The following MYCBP2 variants were observed in gnomAD, a reference collection of about 807,000 sequenced individuals.
The protein encoded by MYCBP2 is E3 ubiquitin-protein ligase MYCBP2.
MYCBP2 carries 120 observed loss-of-function variants against 525.3 expected under a neutral mutation model. The ratio of observed to expected loss-of-function variants is 0.23; its 90% CI spans 0.20 to 0.27. The LOEUF (loss-of-function observed/expected upper bound fraction) is 0.27, where lower values mean the gene tolerates loss of function less well. MYCBP2 is among the 10% of genes least tolerant of loss of function. MYCBP2 has a pLI of 1.00. For missense variants in MYCBP2, 4,149 were observed against 5,657.1 expected (o/e 0.73, Z 8.55); for synonymous variants, 1,894 against 1,955.8 (o/e 0.97, Z 0.83).
intron 5 of MYCBP2, among the ~76,000 whole-genome samples, chr13:77,271,324 A>C (rs2074861672): frequency 6.6e-6 from 1 of 152,228 alleles, no homozygotes; most frequent in Non-Finnish European, 1.5e-5. Context: ...TGAAGTCAAG[A>C]GTTCAACCCT....
At chr13:77,255,687 T>A (rs930897559) in intron 14 of MYCBP2, among the ~76,000 whole-genome samples, 3 of 152,086 alleles carry the variant, frequency 2.0e-5, no homozygotes, top group Admixed American at 6.5e-5. Context: ...TGCCAATATA[T>A]TCTAGTAACT....
chr13:77,147,295 G>T (rs6562984), intron 47 of MYCBP2, among the ~76,000 whole-genome samples: 148,259 of 152,156 alleles, frequency 0.97, 72,245 homozygotes, highest in Admixed American at 0.98. Context: ...GAAGGGTTTA[G>T]GCAGGCTTCA....
In MYCBP2 at chr13:77,171,504, G is replaced by A. The variant is rs778616160; in HGVS notation, c.5782C>T (p.Leu1928Phe). 1.9e-6 allele frequency: 3 copies of A among 1,612,708 alleles called. No individual in the cohort carries two copies. In the South Asian group the frequency reaches 3.3e-5, roughly 18 times the overall value. ...RASKDLLHRA[L>F]AVDADDIPEL... ...GAAAAAATATTACCATCCACAGCAA[G>A]AGCTCTGTGCAGGAGGTCCTTAGAG... Residue 1928 changes from leucine to phenylalanine, a missense_variant, in exon 38 of 83, where the codon CTT becomes TTT. Physicochemically the swap from Leu to Phe is conservative, Grantham distance 22 (BLOSUM62 0). Around this residue, in one of 21 missense-constraint regions of MYCBP2, gnomAD observed 692 missense variants for 852.7 expected, o/e 0.81. Coordinates refer to ENST00000544440, the MANE Select transcript of MYCBP2 (RefSeq NM_015057.5).
chr13:77,133,138 A>G (rs2053190033), intron 52 of MYCBP2, among the ~76,000 whole-genome samples: 2 of 152,172 alleles, frequency 1.3e-5, no homozygotes, highest in African/African-American at 2.4e-5. Flanking sequence ...AGATTAATGC[A>G]TACGGAACAT....
chr13:77,188,541 G>A (rs955593304), intron 30 of MYCBP2, among the ~76,000 whole-genome samples: 8 of 152,160 alleles, frequency 5.3e-5, no homozygotes, highest in African/African-American at 1.9e-4. Flanking sequence ...CAATGGGGAT[G>A]GCAAGTGGTT....
intron 52 of MYCBP2, among the ~76,000 whole-genome samples, chr13:77,130,361 AAT>A (rs2052535764): frequency 6.6e-6 from 1 of 151,652 alleles, no homozygotes; most frequent in African/African-American, 2.4e-5. Context: ...CATTTTAGAT[AAT>A]GAGACTTTAT....
At chr13:77,141,770 C>CA (rs34124996) in intron 49 of MYCBP2, among the ~76,000 whole-genome samples, 5,971 of 81,414 alleles carry the variant, frequency 0.073, 281 homozygotes, top group African/African-American at 0.18. Flanking sequence ...GACTCTGTCT[C>CA]AAAAAAAAAA....
chr13:77,081,394 C>G lies in MYCBP2; in HGVS notation c.11418+33G>C. On this transcript the variant is annotated intron_variant, in intron 65 of 82. Transcript: ENST00000544440. This position sits in a 1 kb window ranked among gnomAD's most constrained non-coding sequence, Gnocchi z 4.6. The stretch of plus-strand genomic sequence containing the variant: ...CATGAATACTAAGATCTGAAAAGAG[C>G]TAAAGAGCCGTAAATCACGTTTGCT... 1.3e-6 allele frequency: 2 copies of G among 1,576,944 alleles called. No individual in the cohort carries two copies. The highest frequency in any genetic ancestry group is 1.7e-6 in the Non-Finnish European group (2 of 1,150,604).
intron 40 of MYCBP2, among the ~76,000 whole-genome samples, chr13:77,166,976 TACACACACACACA>T (rs1438015893): frequency 7.9e-6 from 1 of 127,142 alleles, no homozygotes; most frequent in African/African-American, 3.2e-5. Flanking sequence ...AACACACACA[TACACACACACACA>T]CACACACACA....
At chr13:77,116,805 T>G (rs1051910062) in intron 55 of MYCBP2, among the ~76,000 whole-genome samples, 1 of 152,020 alleles carries the variant, frequency 6.6e-6, no homozygotes, top group Non-Finnish European at 1.5e-5. Flanking sequence ...TATTACTGTT[T>G]ATTGTTTTGA....
rs17067341 is a variant in MYCBP2, at chr13:77,238,833, C to A, written c.2629+4226G>T. ...AAGCTGTCTGAGCAAGGCTTTAGTA[C>A]AAGAACTAGGGCCCAGGCCGAGCGC... On this transcript the variant is annotated intron_variant, in intron 17 of 82. Coordinates refer to ENST00000544440, the MANE Select transcript of MYCBP2 (RefSeq NM_015057.5). Among the ~76,000 whole-genome samples, 1,037 of 152,288 alleles carry A rather than the reference C, an allele frequency of 6.8e-3. 6 individuals carry two copies. Among genetic ancestry groups the A allele is most frequent in the African/African-American group, 0.024 (987 of 41,566 alleles).
intron 15 of MYCBP2, 70 bp downstream of exon 15, chr13:77,251,081 A>G (rs72628063): frequency 1.5e-4 from 210 of 1,432,074 alleles, no homozygotes; most frequent in Non-Finnish European, 1.8e-4. Flanking sequence ...ATAGTAGAGT[A>G]TACTCCGGAA....
Position 77,326,611 on chromosome 13 carries a change from T to C in MYCBP2, c.165A>G (p.Leu55=). The change falls in exon 1 of 83, where the codon CTA becomes CTG. Residue 55 remains leucine (L), a synonymous_variant. Transcript: ENST00000544440. The surrounding 1 kb of genome is among the most constrained non-coding windows in gnomAD (Gnocchi z 4.2). Reference sequence around the variant, plus strand: ...AGTGACCCCGGGAGTCCGCGGCGGGTAGCCCCAGCCCCAGCCCCGCAGCAG... The same window carrying C: ...AGTGACCCCGGGAGTCCGCGGCGGGCAGCCCCAGCCCCAGCCCCGCAGCAG... The part of the protein sequence containing the change: ...SVAAAGLGLG[L]PAADSRGHYQ... 3 of 1,577,430 alleles carry C rather than the reference T, an allele frequency of 1.9e-6. No individual in the cohort carries two copies. The highest frequency in any genetic ancestry group is 1.8e-5 in the Admixed American group (1 of 56,204).
chr13:77,146,362 C>A (rs943879395), intron 47 of MYCBP2, 145 bp from the exon 48 acceptor site: 3 of 402,148 alleles, frequency 7.5e-6, no homozygotes, highest in African/African-American at 2.1e-5. Context: ...CTACTTTAGA[C>A]CATTTATTAA....
At position 77,144,577 on chromosome 13, in the gene MYCBP2, T is replaced by G; in HGVS notation, c.7188-17A>C. The G allele has an allele frequency of 6.5e-7, 1 of 1,543,816 alleles. No individual in the cohort carries two copies. The highest frequency in any genetic ancestry group is 9.0e-7 in the Non-Finnish European group (1 of 1,116,724). On this transcript the variant is annotated splice_polypyrimidine_tract_variant and intron_variant, in intron 48 of 82. Transcript: ENST00000544440. ...TCACTGGGTCTGAAAAGAAATAAGA[T>G]GGATATTGGAAATTTTACTTTTGGT...
chr13:77,270,692 T>C (rs2074748618), intron 5 of MYCBP2, among the ~76,000 whole-genome samples, 154 bp from the exon 6 acceptor site: 1 of 152,200 alleles, frequency 6.6e-6, no homozygotes, highest in Non-Finnish European at 1.5e-5. Context: ...TAAAAGTTCA[T>C]CTATAAGAAG....
At chr13:77,262,613 G>A (rs2073487199) in intron 10 of MYCBP2, among the ~76,000 whole-genome samples, 1 of 151,888 alleles carries the variant, frequency 6.6e-6, no homozygotes, top group South Asian at 2.1e-4. Flanking sequence ...TTGAATTAAA[G>A]TATTTCAGAT....
chr13:77,232,134 G>T (rs2067215160), intron 18 of MYCBP2, among the ~76,000 whole-genome samples: 2 of 152,070 alleles, frequency 1.3e-5, no homozygotes, highest in Non-Finnish European at 2.9e-5. Context: ...CTGACAGACT[G>T]AAAGAGGCAA....
intron 47 of MYCBP2, among the ~76,000 whole-genome samples, chr13:77,149,704 C>A (rs1013952044): frequency 6.6e-6 from 1 of 152,142 alleles, no homozygotes; most frequent in African/African-American, 2.4e-5. Context: ...CAAAACCTGC[C>A]CCTCTTCCAT....
Sources: allele counts gnomAD v4.1 joint callset (sites outside exome capture counted in the v4.1 genomes callset), GRCh38; gene constraint gnomAD v4.1.1; regional missense constraint gnomAD v4.1.1; non-coding constraint Gnocchi (gnomAD v3.1); transcripts MANE v1.5; gene names NCBI Gene and HGNC (gene_info 2026-07-23, HGNC 2026-07-21).